Variants in NDUFA5 observed in about 807,000 individuals in gnomAD.
NDUFA5 encodes NADH dehydrogenase [ubiquinone] 1 alpha subcomplex subunit 5.
In NDUFA5, 11 loss-of-function variants were observed where a neutral mutation model predicts 19.8. The ratio of observed to expected loss-of-function variants is 0.56; its 90% CI spans 0.35 to 0.92. The LOEUF is 0.92. Among genes scored for constraint, NDUFA5 ranks in the 40% least tolerant of loss-of-function variants. The pLI is 0.01. For synonymous variants in NDUFA5, 47 were observed against 46.8 expected, an observed-to-expected ratio of 1.00 and a Z score of -0.01; for missense variants, 109 against 134.2, an observed-to-expected ratio of 0.81 and a Z score of 0.93.
the NDUFA5 span, among the ~76,000 whole-genome samples, chr7:123,564,531 C>A: frequency 6.6e-6 from 1 of 152,012 alleles, no homozygotes; most frequent in African/African-American, 2.4e-5. Flanking sequence ...TGCACACACA[C>A]ATATACACAT....
chr7:123,590,607 G>T, the NDUFA5 span, among the ~76,000 whole-genome samples: 3 of 152,076 alleles, frequency 2.0e-5, no homozygotes, highest in Non-Finnish European at 4.4e-5. Context: ...TTTTTGTCAG[G>T]TTTGTCAAAG....
intron 3 of NDUFA5, 39 bp from the exon 4 acceptor site, chr7:123,545,715 T>C (rs1337350157): frequency 2.2e-6 from 3 of 1,366,642 alleles, no homozygotes; most frequent in East Asian, 4.6e-5. Context: ...AGAAGCATAC[T>C]AACTGAATGT....
the NDUFA5 span, among the ~76,000 whole-genome samples, chr7:123,597,594 G>C: frequency 6.6e-6 from 1 of 152,136 alleles, no homozygotes; most frequent in African/African-American, 2.4e-5. Context: ...CACTTTGGGA[G>C]GCCAAGGTGG....
intron 2 of NDUFA5, chr7:123,556,918 G>A (rs1012923891): frequency 2.0e-6 from 1 of 498,388 alleles, no homozygotes; most frequent in Non-Finnish European, 3.9e-6. Flanking sequence ...GTGAAGCAAA[G>A]AAATGGTGTG....
chr7:123,558,708 G>T (rs1378868172), upstream of NDUFA5, among the ~76,000 whole-genome samples: 1 of 152,148 alleles, frequency 6.6e-6, no homozygotes, highest in Non-Finnish European at 1.5e-5. Flanking sequence ...TTGGAAAGGT[G>T]GGTTTGATTG....
At chr7:123,590,013 T>A in the NDUFA5 span, among the ~76,000 whole-genome samples, 6 of 152,214 alleles carry the variant, frequency 3.9e-5, no homozygotes, top group African/African-American at 1.4e-4. Flanking sequence ...ATTGTCATTC[T>A]AACTGGCATG....
chr7:123,542,658 G>C (rs1219565990), intron 4 of NDUFA5, among the ~76,000 whole-genome samples: 2 of 152,034 alleles, frequency 1.3e-5, no homozygotes, highest in East Asian at 3.9e-4. Flanking sequence ...TACTGGCAGT[G>C]ATATATTCTT....
upstream of NDUFA5, among the ~76,000 whole-genome samples, chr7:123,561,029 G>A (rs556591280): frequency 3.3e-5 from 5 of 152,230 alleles, no homozygotes; most frequent in South Asian, 1.0e-3. Context: ...AATATTGTTG[G>A]AAATACTAAA....
the NDUFA5 span, among the ~76,000 whole-genome samples, chr7:123,592,720 C>T: frequency 0.29 from 44,753 of 151,938 alleles, 6,732 homozygotes; most frequent in East Asian, 0.4. Flanking sequence ...TGGTCAATTT[C>T]GGAATAAGTG....
At chr7:123,557,849 T>A, upstream of NDUFA5, 1 of 1,613,654 alleles carries the variant, frequency 6.2e-7, no homozygotes, top group South Asian at 1.1e-5. Context: ...TTCTCAGACC[T>A]GCTCAATCGA....
the NDUFA5 span, among the ~76,000 whole-genome samples, chr7:123,598,063 C>T: frequency 6.6e-6 from 1 of 151,562 alleles, no homozygotes; most frequent in Non-Finnish European, 1.5e-5. Flanking sequence ...ACCACATGTC[C>T]CACCCATCAT....
intron 2 of NDUFA5, among the ~76,000 whole-genome samples, chr7:123,551,196 T>A (rs1484937335): frequency 6.7e-6 from 1 of 148,628 alleles, no homozygotes; most frequent in Non-Finnish European, 1.5e-5. Context: ...ACTAAATCAG[T>A]ATTTTTCTTT....
the NDUFA5 span, among the ~76,000 whole-genome samples, chr7:123,564,776 TTTC>T: frequency 2.0e-5 from 3 of 152,110 alleles, no homozygotes; most frequent in Non-Finnish European, 4.4e-5. Context: ...TGCCTTATGA[TTTC>T]TTAACTTTAT....
rs1797859778 is a variant in NDUFA5, at chr7:123,539,530, G to A, written c.*2589C>T. ...GAAACCCATGGGAGAACTGAAATAG[G>A]CCATTCTGAAAATTATTAAAATTAG... On this transcript the variant is annotated 3_prime_UTR_variant, in exon 5 of 5. Transcript: ENST00000355749. 1.3e-5 allele frequency: 2 copies of A among 152,068 alleles called. No homozygotes were observed. The highest frequency in any genetic ancestry group is 6.5e-5 in the Admixed American group (1 of 15,274). The allele number at this position is 152,068 out of a possible 1,614,324, so 9.4% of individuals were successfully genotyped here. A position where few individuals can be genotyped will look rare whatever the true frequency, so the allele number is the denominator to read the frequency against.
At chr7:123,592,775 G>A in the NDUFA5 span, among the ~76,000 whole-genome samples, 1 of 152,166 alleles carries the variant, frequency 6.6e-6, no homozygotes, top group Non-Finnish European at 1.5e-5. Flanking sequence ...ATTTGGGGTG[G>A]AGAGTTCTGT....
At chr7:123,560,493 G>A (rs12706537), upstream of NDUFA5, among the ~76,000 whole-genome samples, 92,810 of 152,062 alleles carry the variant, frequency 0.61, 28,681 homozygotes, top group Middle Eastern at 0.79. Flanking sequence ...TACATTATAC[G>A]TGATCTATCA....
At chr7:123,581,005 G>C in the NDUFA5 span, among the ~76,000 whole-genome samples, 2 of 151,946 alleles carry the variant, frequency 1.3e-5, no homozygotes, top group Middle Eastern at 3.2e-3. Context: ...GTCCATTCCT[G>C]TGTGACTCTC....
At chr7:123,569,812 G>A in the NDUFA5 span, among the ~76,000 whole-genome samples, 3 of 152,148 alleles carry the variant, frequency 2.0e-5, no homozygotes, top group Non-Finnish European at 2.9e-5. Context: ...AGGCAAGCCC[G>A]TTAAGTATAA....
chr7:123,579,606 T>TAATTTAGAACA, the NDUFA5 span, among the ~76,000 whole-genome samples: 1 of 152,064 alleles, frequency 6.6e-6, no homozygotes, highest in Non-Finnish European at 1.5e-5. Context: ...AGTTAAAACT[T>TAATTTAGAACA]AATTTAGAAC....
Sources: allele counts gnomAD v4.1 joint callset (sites outside exome capture counted in the v4.1 genomes callset), GRCh38; gene constraint gnomAD v4.1.1; transcripts MANE v1.5; gene names NCBI Gene and HGNC (gene_info 2026-07-23, HGNC 2026-07-21).